PCDH9: variants seen among roughly 807,000 people sequenced by gnomAD.
PCDH9 encodes the protein protocadherin-9.
Under a neutral mutation model 70.6 loss-of-function variants are expected in PCDH9, and 24 were observed. The observed-to-expected ratio is 0.34, with a 90% confidence interval of 0.25 to 0.48. PCDH9 has a LOEUF of 0.48. Among genes scored for constraint, PCDH9 ranks in the 20% least tolerant of loss-of-function variants. The pLI, the probability that PCDH9 is intolerant of heterozygous loss-of-function variation, is 0.99. For missense variants in PCDH9, 1,281 were observed against 1,503.6 expected (o/e 0.85, Z 2.45); for synonymous variants, 562 against 558.5 (o/e 1.01, Z -0.09).
At chr13:66,346,882 A>G (rs1447171243) in intron 4 of PCDH9, among the ~76,000 whole-genome samples, 1 of 152,164 alleles carries the variant, frequency 6.6e-6, no homozygotes, top group Admixed American at 6.6e-5. Flanking sequence ...ATTTGTATTA[A>G]TTTTAAATAA....
At chr13:66,759,040 C>CA (rs1305195589) in intron 3 of PCDH9, among the ~76,000 whole-genome samples, 1 of 151,668 alleles carries the variant, frequency 6.6e-6, no homozygotes, top group Non-Finnish European at 1.5e-5. Context: ...AAAGATTTGT[C>CA]AATTTAGTTG....
chr13:66,428,642 TAAGGATTGTATATATA>T (rs1957715102), intron 4 of PCDH9, among the ~76,000 whole-genome samples: 1 of 151,776 alleles, frequency 6.6e-6, no homozygotes, highest in South Asian at 2.1e-4. Flanking sequence ...AAAGCTTCTA[TAAGGATTGTATATATA>T]TGTATTTCTA....
intron 2 of PCDH9, among the ~76,000 whole-genome samples, chr13:67,079,581 T>G: frequency 6.6e-6 from 1 of 152,184 alleles, no homozygotes; most frequent in East Asian, 1.9e-4. Flanking sequence ...AAAATATATT[T>G]CTTTAACATA....
At chr13:67,088,331 A>G (rs1382601760) in intron 2 of PCDH9, among the ~76,000 whole-genome samples, 1 of 152,124 alleles carries the variant, frequency 6.6e-6, no homozygotes, top group East Asian at 1.9e-4. Flanking sequence ...CTAAGTCAAG[A>G]CTAGACCGCA....
chr13:66,697,036 T>C (rs1411023949), intron 3 of PCDH9, among the ~76,000 whole-genome samples: 2 of 152,022 alleles, frequency 1.3e-5, no homozygotes, highest in Non-Finnish European at 2.9e-5. Context: ...AGTTTGTGGC[T>C]GCAGTGAGCC....
intron 2 of PCDH9, chr13:66,991,137 T>C (rs2083994508): frequency 6.6e-6 from 1 of 152,068 alleles, no homozygotes; most frequent in Non-Finnish European, 1.5e-5. Context: ...TGATACAGTG[T>C]CCTGAATCTG....
chr13:67,154,172 G>A (rs1055164265), intron 2 of PCDH9, among the ~76,000 whole-genome samples: 6 of 152,176 alleles, frequency 3.9e-5, no homozygotes, highest in African/African-American at 1.4e-4. Context: ...AGATTCTATA[G>A]TCAGGTGTGG....
At chr13:66,910,228 C>T (rs1408589759) in intron 2 of PCDH9, among the ~76,000 whole-genome samples, 1 of 152,146 alleles carries the variant, frequency 6.6e-6, no homozygotes, top group African/African-American at 2.4e-5. Flanking sequence ...GTCACTACAG[C>T]TCAATGAACA....
intron 3 of PCDH9, among the ~76,000 whole-genome samples, chr13:66,676,945 C>T (rs2078251580): frequency 6.6e-6 from 1 of 151,842 alleles, no homozygotes; most frequent in Admixed American, 6.6e-5. Flanking sequence ...TTTAAATATC[C>T]ATTTACATGT....
intron 2 of PCDH9, among the ~76,000 whole-genome samples, chr13:67,175,876 C>T (rs984791652): frequency 2.6e-5 from 4 of 151,790 alleles, no homozygotes; most frequent in African/African-American, 9.7e-5. Context: ...AAAATTCAGA[C>T]ATAGAGAATG....
intron 2 of PCDH9, among the ~76,000 whole-genome samples, chr13:67,159,201 C>T (rs920465781): frequency 6.6e-6 from 1 of 152,126 alleles, no homozygotes; most frequent in African/African-American, 2.4e-5. Context: ...GAGGGTTGCC[C>T]TATAAGGTGA....
At chr13:66,948,233 G>C (rs377419102) in intron 2 of PCDH9, among the ~76,000 whole-genome samples, 1 of 152,066 alleles carries the variant, frequency 6.6e-6, no homozygotes, top group African/African-American at 2.4e-5. Context: ...CTGTATAAAT[G>C]TTAATATTTA....
chr13:66,433,995 C>T (rs1957821453), intron 4 of PCDH9, among the ~76,000 whole-genome samples: 1 of 151,678 alleles, frequency 6.6e-6, no homozygotes, highest in African/African-American at 2.4e-5. Flanking sequence ...GGTCAAGAGG[C>T]AATAACTAAT....
intron 4 of PCDH9, among the ~76,000 whole-genome samples, chr13:66,628,559 T>C (rs2077528411): frequency 6.6e-6 from 1 of 152,298 alleles, no homozygotes; most frequent in Admixed American, 6.5e-5. Context: ...TGGAGTGCAG[T>C]TGAGTGATTA....
intron 4 of PCDH9, among the ~76,000 whole-genome samples, chr13:66,367,137 C>A (rs569926008): frequency 6.6e-5 from 10 of 152,040 alleles, no homozygotes; most frequent in African/African-American, 2.4e-4. Context: ...TATGTCTACC[C>A]AAACCAAACC....
intron 3 of PCDH9, among the ~76,000 whole-genome samples, chr13:66,870,039 G>A (rs2081646764): frequency 6.6e-6 from 1 of 151,990 alleles, no homozygotes; most frequent in African/African-American, 2.4e-5. Flanking sequence ...TTTCTTCTAG[G>A]GTTTTTATGG....
intron 2 of PCDH9, among the ~76,000 whole-genome samples, chr13:66,961,076 A>G (rs2083337985): frequency 1.3e-5 from 2 of 152,186 alleles, no homozygotes; most frequent in African/African-American, 4.8e-5. Flanking sequence ...ACTGACTTTA[A>G]CTGACTATAG....
At chr13:67,092,255 T>C (rs776878772) in intron 2 of PCDH9, among the ~76,000 whole-genome samples, 2 of 152,184 alleles carry the variant, frequency 1.3e-5, no homozygotes, top group Non-Finnish European at 2.9e-5. Context: ...TTATGATACT[T>C]ACAATACATG....
intron 3 of PCDH9, among the ~76,000 whole-genome samples, chr13:66,769,905 G>GC (rs1370581055): frequency 2.6e-5 from 4 of 152,074 alleles, no homozygotes; most frequent in Admixed American, 6.6e-5. Context: ...TAGGGGCTCA[G>GC]CAGGGGCAAG....
Sources: allele counts gnomAD v4.1 joint callset (sites outside exome capture counted in the v4.1 genomes callset), GRCh38; gene constraint gnomAD v4.1.1; transcripts MANE v1.5; gene names NCBI Gene and HGNC (gene_info 2026-07-23, HGNC 2026-07-21).